LRMDA: variants seen among roughly 807,000 people sequenced by gnomAD.
LRMDA encodes leucine-rich melanocyte differentiation-associated protein.
A neutral mutation model predicts 29.8 loss-of-function variants in LRMDA; 18 were observed. That is an observed-to-expected ratio of 0.60 (90% CI 0.42 to 0.90). The LOEUF (loss-of-function observed/expected upper bound fraction) is 0.90, where lower values mean the gene tolerates loss of function less well. Ranked by LOEUF, LRMDA falls within the 40% of genes least tolerant of loss-of-function variation. LRMDA has a pLI of 0.00. For synonymous variants in LRMDA, 125 were observed against 109.4 expected (o/e 1.14, Z -0.89); for missense variants, 273 against 273.9 (o/e 1.00, Z 0.02).
chr10:76,399,899 C>T (rs936800140), intron 6 of LRMDA, among the ~76,000 whole-genome samples: 3 of 152,152 alleles, frequency 2.0e-5, no homozygotes, highest in African/African-American at 7.2e-5. Context: ...TCCACCAATC[C>T]AGTCATCCTA....
At chr10:76,412,770 C>T (rs912595035) in intron 6 of LRMDA, among the ~76,000 whole-genome samples, 1 of 152,162 alleles carries the variant, frequency 6.6e-6, no homozygotes, top group Non-Finnish European at 1.5e-5. Flanking sequence ...ATCATCTCAG[C>T]CTGAAAACAC....
At chr10:75,710,891 A>G (rs1247231419) in intron 2 of LRMDA, among the ~76,000 whole-genome samples, 1 of 152,242 alleles carries the variant, frequency 6.6e-6, no homozygotes, top group Non-Finnish European at 1.5e-5. Flanking sequence ...TGATTTCTGA[A>G]CAGAGACACC....
intron 2 of LRMDA, among the ~76,000 whole-genome samples, chr10:75,930,491 T>C (rs1466498700): frequency 1.3e-5 from 2 of 152,214 alleles, no homozygotes; most frequent in Non-Finnish European, 2.9e-5. Context: ...CCTAGATCTA[T>C]AACTCAGCAA....
chr10:75,592,959 C>T (rs1210392859), intron 2 of LRMDA, among the ~76,000 whole-genome samples: 1 of 152,096 alleles, frequency 6.6e-6, no homozygotes, highest in East Asian at 1.9e-4. Context: ...TAGCAGGCTG[C>T]ATTTCATTTC....
At chr10:76,002,676 A>T (rs1847581642) in intron 2 of LRMDA, among the ~76,000 whole-genome samples, 1 of 152,222 alleles carries the variant, frequency 6.6e-6, no homozygotes, top group African/African-American at 2.4e-5. Context: ...TACAACAAAG[A>T]GACACACACA....
chr10:75,914,832 G>C (rs61862123), intron 2 of LRMDA, among the ~76,000 whole-genome samples: 2,901 of 152,312 alleles, frequency 0.019, 30 homozygotes, highest in Non-Finnish European at 0.03. Context: ...TTAGTAGACA[G>C]GTGTTATTTT....
intron 2 of LRMDA, among the ~76,000 whole-genome samples, chr10:75,749,041 A>G (rs535690294): frequency 2.6e-5 from 4 of 151,942 alleles, no homozygotes; most frequent in Non-Finnish European, 5.9e-5. Context: ...TTTTTTTCCA[A>G]CTCTGCTGCC....
At chr10:75,887,883 GT>G (rs1195999075) in intron 2 of LRMDA, among the ~76,000 whole-genome samples, 1 of 152,102 alleles carries the variant, frequency 6.6e-6, no homozygotes, top group Non-Finnish European at 1.5e-5. Flanking sequence ...CCAGCTGCCG[GT>G]TTTTAGTTTA....
At chr10:76,033,623 C>A (rs1208459777) in intron 2 of LRMDA, among the ~76,000 whole-genome samples, 1 of 152,154 alleles carries the variant, frequency 6.6e-6, no homozygotes, top group Non-Finnish European at 1.5e-5. Context: ...TCAGAAGAAT[C>A]TAATATTTGC....
chr10:75,801,094 A>C (rs1213378725), intron 2 of LRMDA, among the ~76,000 whole-genome samples: 6 of 152,126 alleles, frequency 3.9e-5, no homozygotes, highest in African/African-American at 1.4e-4. Flanking sequence ...CAGAATTAAA[A>C]CTCCAGACCC....
intron 2 of LRMDA, among the ~76,000 whole-genome samples, chr10:75,518,659 A>T (rs1564790896): frequency 6.6e-6 from 1 of 151,958 alleles, no homozygotes; most frequent in Non-Finnish European, 1.5e-5. Flanking sequence ...CAGCTCTTAG[A>T]TTTATTGATT....
intron 5 of LRMDA, among the ~76,000 whole-genome samples, chr10:76,133,800 C>T (rs1047432121): frequency 1.3e-5 from 2 of 152,030 alleles, no homozygotes; most frequent in Non-Finnish European, 2.9e-5. Flanking sequence ...CTTATCTCTG[C>T]CAGAACAAAA....
intron 6 of LRMDA, among the ~76,000 whole-genome samples, chr10:76,445,411 C>T (rs1053205999): frequency 6.6e-6 from 1 of 152,194 alleles, no homozygotes; most frequent in African/African-American, 2.4e-5. Flanking sequence ...TTCTTCAGGG[C>T]TCTGACTCCC....
chr10:76,412,769 G>A (rs1841976439), intron 6 of LRMDA, among the ~76,000 whole-genome samples: 1 of 152,082 alleles, frequency 6.6e-6, no homozygotes, highest in Non-Finnish European at 1.5e-5. Context: ...CATCATCTCA[G>A]CCTGAAAACA....
chr10:76,094,589 A>G (rs1297825790), intron 5 of LRMDA, among the ~76,000 whole-genome samples: 2 of 152,302 alleles, frequency 1.3e-5, no homozygotes, highest in South Asian at 2.1e-4. Flanking sequence ...TATCTATATC[A>G]GTACTACTCA....
rs147509814 is a variant in LRMDA at position 75,955,086 on chromosome 10, C to T, written c.132-80922C>T. Among the ~76,000 whole-genome samples, 526 of 152,184 alleles carry T rather than the reference C, an allele frequency of 3.5e-3. 3 individuals carry two copies. Among genetic ancestry groups the T allele is most frequent in the African/African-American group, 0.011 (476 of 41,486 alleles). ...TAAAATCATGCTGTATTAAAATCAA[C>T]GGCACATTAGATTCATATAATTTTA... On this transcript the variant is annotated intron_variant, in intron 2 of 6. Transcript: ENST00000611255.
chr10:75,457,287 C>A (rs1446135278), intron 2 of LRMDA, among the ~76,000 whole-genome samples: 7 of 152,150 alleles, frequency 4.6e-5, no homozygotes, highest in Non-Finnish European at 4.4e-5. Flanking sequence ...TCATTGTTGT[C>A]CTAAGATCTT....
intron 2 of LRMDA, among the ~76,000 whole-genome samples, chr10:75,946,058 G>T (rs1043082340): frequency 6.6e-6 from 1 of 152,206 alleles, no homozygotes; most frequent in African/African-American, 2.4e-5. Flanking sequence ...ATTCCCATGG[G>T]AGACATCAGA....
At chr10:75,452,970 G>A (rs1282061762) in intron 2 of LRMDA, among the ~76,000 whole-genome samples, 1 of 152,138 alleles carries the variant, frequency 6.6e-6, no homozygotes, top group African/African-American at 2.4e-5. Context: ...TCTTTCCGAT[G>A]GAGTCTCAAA....
Sources: gnomAD v4.1 joint callset for allele counts (sites outside exome capture counted in the v4.1 genomes callset) on GRCh38, gnomAD v4.1.1 for gene constraint, MANE v1.5 for transcripts, NCBI Gene and HGNC (gene_info 2026-07-23, HGNC 2026-07-21) for gene names.